Variants in CTDSPL observed in about 807,000 individuals in gnomAD.
CTDSPL encodes CTD small phosphatase like, also known as CTD small phosphatase-like protein.
A neutral mutation model predicts 30.5 loss-of-function variants in CTDSPL; 8 were observed. The observed-to-expected ratio is 0.26, with a 90% CI of 0.15 to 0.47. The LOEUF is 0.47. CTDSPL is among the 20% of genes least tolerant of loss of function. The pLI is 0.99. For missense variants in CTDSPL, 248 were observed against 366.1 expected (o/e 0.68, Z 2.63); for synonymous variants, 110 against 137.9 (o/e 0.80, Z 1.42).
chr3:37,975,972 A>T lies in CTDSPL; in HGVS notation c.705+78A>T. 1 of 1,459,346 alleles carries T rather than the reference A, an allele frequency of 6.9e-7. No homozygotes were observed. The highest frequency in any genetic ancestry group is 9.4e-7 in the Non-Finnish European group (1 of 1,067,572). 90.4% of individuals were successfully genotyped at this position (1,459,346 alleles called of 1,614,324 possible). ...TGCCAGGCAGGTACCACTTTTGAGC[A>T]CCTACACAAGAAGGTCTCTGGGCCT... On this transcript the variant is annotated intron_variant, in intron 7 of 7. Coordinates refer to ENST00000273179, the MANE Select transcript of CTDSPL (RefSeq NM_001008392.2). This position sits in a 1 kb window ranked among gnomAD's most constrained non-coding sequence, Gnocchi z 4.9.
intron 7 of CTDSPL, among the ~76,000 whole-genome samples, chr3:37,978,519 TG>T (rs1699454676): frequency 6.6e-6 from 1 of 152,230 alleles, no homozygotes; most frequent in East Asian, 1.9e-4. Context: ...TTTTATAATT[TG>T]GGGACACTAA....
chr3:37,896,377 G>T (rs1281817048), intron 1 of CTDSPL, among the ~76,000 whole-genome samples: 7 of 152,176 alleles, frequency 4.6e-5, no homozygotes, highest in Admixed American at 4.6e-4. Flanking sequence ...TATCCAAGGT[G>T]CAGGAGTCTG....
At chr3:37,924,636 G>A (rs1202034026) in intron 1 of CTDSPL, among the ~76,000 whole-genome samples, 1 of 152,192 alleles carries the variant, frequency 6.6e-6, no homozygotes, top group Non-Finnish European at 1.5e-5. Flanking sequence ...TCTAAAATTA[G>A]GGATTCTGTG....
In CTDSPL at chr3:37,972,813, C is replaced by T. The variant is rs1357953006; in HGVS notation, c.519+1314C>T. On this transcript the variant is annotated intron_variant, in intron 6 of 7. Coordinates refer to ENST00000273179, the MANE Select transcript of CTDSPL (RefSeq NM_001008392.2). ...GACACCATCCATTTGTTGGTAGCAC[C>T]ACAGTTGTCTCCATGGGCATCTCAG... 5.9e-5 allele frequency among the ~76,000 whole-genome samples: 9 copies of T among 152,318 alleles called. 1 individual carries two copies. Among genetic ancestry groups the T allele is most frequent in the African/African-American group, 1.4e-4 (6 of 41,564 alleles).
chr3:37,967,634 T>C lies in CTDSPL; in HGVS notation c.370-192T>C, dbSNP rs563131667. 5.3e-5 allele frequency among the ~76,000 whole-genome samples: 8 copies of C among 152,336 alleles called. No individual in the cohort carries two copies. In the East Asian group the frequency reaches 1.5e-3, roughly 29 times the overall value. ...CCAAGATGCTGAAAATGTAATGACA[T>C]TCACAGTGGAAAATAATGTGCTTTC... is the stretch of plus-strand genomic sequence containing the variant. On this transcript the variant is annotated intron_variant, in intron 4 of 7. Transcript: ENST00000273179.
intron 1 of CTDSPL, among the ~76,000 whole-genome samples, chr3:37,873,993 C>G (rs1698105171): frequency 6.6e-6 from 1 of 152,216 alleles, no homozygotes; most frequent in Non-Finnish European, 1.5e-5. Context: ...AACCTGATAG[C>G]TTTCACTTTG....
chr3:37,952,064 C>T (rs1381151593), intron 2 of CTDSPL, among the ~76,000 whole-genome samples: 2 of 152,044 alleles, frequency 1.3e-5, no homozygotes, highest in African/African-American at 4.8e-5. Context: ...ATAATCCCTG[C>T]ACTTTGACAG....
rs772154141 is a variant in CTDSPL at position 37,957,183 on chromosome 3, T to C, written c.267+40T>C. 7.0e-6 allele frequency: 10 copies of C among 1,433,220 alleles called. 1 individual carries two copies. The South Asian group carries it at 1.1e-4, about 16-fold the overall frequency. 88.8% of individuals were successfully genotyped at this position (1,433,220 alleles called of 1,614,324 possible). ...CTAATTTTATTTATTAAAACAGTCA[T>C]AAAATCTTGTGGCTTTGGGCCTACT... is the stretch of plus-strand genomic sequence containing the variant. On this transcript the variant is annotated intron_variant, in intron 3 of 7. Coordinates refer to ENST00000273179, the MANE Select transcript of CTDSPL (RefSeq NM_001008392.2).
rs1308349051 is a variant in CTDSPL at position 37,862,327 on chromosome 3, G to A, written c.79+49G>A. ...CGGGCTGGGGGCGAGCGCACACCCC[G>A]CGCCGCTGGAGTTCACTGCCGGGCG... is the stretch of plus-strand genomic sequence containing the variant. On this transcript the variant is annotated intron_variant, in intron 1 of 7. Coordinates refer to ENST00000273179, the MANE Select transcript of CTDSPL (RefSeq NM_001008392.2). The surrounding 1 kb of genome is among the most constrained non-coding windows in gnomAD (Gnocchi z 4.3). The A allele has an allele frequency of 2.8e-6, 4 of 1,412,366 alleles. No homozygotes were observed. The highest frequency in any genetic ancestry group is 2.8e-5 in the Admixed American group (1 of 35,100). 87.5% of individuals were successfully genotyped at this position (1,412,366 alleles called of 1,614,324 possible).
chr3:37,869,594 C>G (rs1253758535), intron 1 of CTDSPL, among the ~76,000 whole-genome samples: 1 of 151,988 alleles, frequency 6.6e-6, no homozygotes, highest in Non-Finnish European at 1.5e-5. Flanking sequence ...GACTTGTATG[C>G]CTTTTATTTC....
chr3:37,864,896 G>A (rs1163443879), intron 1 of CTDSPL, among the ~76,000 whole-genome samples: 1 of 152,062 alleles, frequency 6.6e-6, no homozygotes, highest in Non-Finnish European at 1.5e-5. Flanking sequence ...CATTTATTCT[G>A]TAAAATAGGA....
In CTDSPL at chr3:37,877,563, G is replaced by A. The variant is rs929557012; in HGVS notation, c.79+15285G>A. 2.3e-4 allele frequency among the ~76,000 whole-genome samples: 35 copies of A among 151,972 alleles called. 1 individual carries two copies. Among genetic ancestry groups the A allele is most frequent in the Non-Finnish European group, 4.6e-4 (31 of 67,972 alleles). ...TGTGAATTATACTCATATGAACACA[G>A]GTGTTTGAGTCTCTGCTTTCAGTTC... On this transcript the variant is annotated intron_variant, in intron 1 of 7. Coordinates refer to ENST00000273179, the MANE Select transcript of CTDSPL (RefSeq NM_001008392.2).
intron 1 of CTDSPL, among the ~76,000 whole-genome samples, chr3:37,910,157 A>T (rs114684698): frequency 3.3e-5 from 5 of 152,346 alleles, no homozygotes; most frequent in African/African-American, 1.2e-4. Flanking sequence ...TCTAGGCCAC[A>T]TAGTAACCAC....
chr3:37,956,459 A>T (rs547602264), intron 2 of CTDSPL, among the ~76,000 whole-genome samples: 1 of 152,236 alleles, frequency 6.6e-6, no homozygotes, highest in African/African-American at 2.4e-5. Flanking sequence ...GTTTCCATCA[A>T]TTAGGTTTGG....
chr3:37,872,038 G>A (rs1698076715), intron 1 of CTDSPL, among the ~76,000 whole-genome samples: 1 of 152,146 alleles, frequency 6.6e-6, no homozygotes. Context: ...CCAGGCTAGA[G>A]CGGAGTGCAG....
intron 1 of CTDSPL, among the ~76,000 whole-genome samples, chr3:37,910,125 G>C (rs950198174): frequency 3.9e-5 from 6 of 152,332 alleles, no homozygotes; most frequent in Admixed American, 3.3e-4. Flanking sequence ...GTGAGGTAAT[G>C]TGAGTAAAGT....
chr3:37,904,508 C>T lies in CTDSPL; in HGVS notation c.79+42230C>T, dbSNP rs141081225. On this transcript the variant is annotated intron_variant, in intron 1 of 7. Transcript: ENST00000273179. ...ACCCATTGGATGATAAATGGGGGCACCTGTCAAGGGCAAGAGGTCCCCTTC... is the reference window on the plus strand; with the variant it reads ...ACCCATTGGATGATAAATGGGGGCATCTGTCAAGGGCAAGAGGTCCCCTTC... Among the ~76,000 whole-genome samples, 3 of 152,202 alleles carry T rather than the reference C, an allele frequency of 2.0e-5. No individual in the cohort carries two copies. In the East Asian group the frequency reaches 5.8e-4, roughly 29 times the overall value.
intron 1 of CTDSPL, among the ~76,000 whole-genome samples, chr3:37,932,951 G>A (rs1274150533): frequency 1.3e-5 from 2 of 152,088 alleles, no homozygotes; most frequent in Admixed American, 6.5e-5. Context: ...TCAGGAGTTC[G>A]AGACCAGCCT....
intron 1 of CTDSPL, among the ~76,000 whole-genome samples, chr3:37,932,175 T>C (rs1016900493): frequency 6.6e-6 from 1 of 152,224 alleles, no homozygotes; most frequent in African/African-American, 2.4e-5. Flanking sequence ...ATTAATCTTT[T>C]GGAGGAAAAG....
Sources: allele counts gnomAD v4.1 joint callset (sites outside exome capture counted in the v4.1 genomes callset), GRCh38; gene constraint gnomAD v4.1.1; non-coding constraint Gnocchi (gnomAD v3.1); transcripts MANE v1.5; gene names NCBI Gene and HGNC (gene_info 2026-07-23, HGNC 2026-07-21).